The following BRINP3 variants were observed in gnomAD, a reference collection of about 807,000 sequenced individuals.
BRINP3 encodes BMP/retinoic acid-inducible neural-specific protein 3.
Under a neutral mutation model 71.0 loss-of-function variants are expected in BRINP3, and 19 were observed. The ratio of observed to expected loss-of-function variants is 0.27; its 90% CI spans 0.19 to 0.39. The LOEUF is 0.39. Among genes scored for constraint, BRINP3 ranks in the 10% least tolerant of loss-of-function variants. The probability of loss-of-function intolerance (pLI) is 1.00; values close to 1 mark genes in which losing one functional copy is unlikely to be tolerated. For synonymous variants in BRINP3, 380 were observed against 337.7 expected, an observed-to-expected ratio of 1.13 and a Z score of -1.37; for missense variants, 959 against 940.8, an observed-to-expected ratio of 1.02 and a Z score of -0.25.
intron 4 of BRINP3, among the ~76,000 whole-genome samples, chr1:190,262,515 C>T (rs555876705): frequency 1.3e-5 from 2 of 152,250 alleles, no homozygotes; most frequent in East Asian, 3.9e-4. Context: ...GATATAGACC[C>T]TGTATCATTC....
chr1:190,243,536 C>T (rs1372283951), intron 4 of BRINP3, among the ~76,000 whole-genome samples: 1 of 152,008 alleles, frequency 6.6e-6, no homozygotes, highest in Non-Finnish European at 1.5e-5. Context: ...TACAGGAAAT[C>T]TAAAGGGATA....
rs1202350334 is a variant in BRINP3 at position 190,264,902 on chromosome 1, C to T, written c.581G>A (p.Arg194Lys). 1 of 1,613,620 alleles carries T rather than the reference C, an allele frequency of 6.2e-7. No homozygotes were observed. ...GGATGCAATTTGAATGTGGTGAAGT[C>T]TCCGAAGGGTGCTGTCCCTGTCAAT... is the stretch of plus-strand genomic sequence containing the variant. ...YFIDRDSTLRRLHHIQIASTA... is the reference protein window; with the variant it reads ...YFIDRDSTLRKLHHIQIASTA... Residue 194 changes from arginine to lysine, a missense_variant, in exon 4 of 8, where the codon AGA becomes AAA. Transcript: ENST00000367462.
At chr1:190,270,119 A>T (rs1419129716) in intron 3 of BRINP3, among the ~76,000 whole-genome samples, 1 of 151,948 alleles carries the variant, frequency 6.6e-6, no homozygotes, top group Non-Finnish European at 1.5e-5. Flanking sequence ...GGGTAGATAC[A>T]AGTATAAAGA....
At chr1:190,201,011 C>G (rs1254886037) in intron 6 of BRINP3, among the ~76,000 whole-genome samples, 1 of 151,816 alleles carries the variant, frequency 6.6e-6, no homozygotes, top group African/African-American at 2.4e-5. Flanking sequence ...AAAAGATACC[C>G]AAAAATGGGG....
chr1:190,241,821 C>T (rs1320379959), intron 4 of BRINP3, among the ~76,000 whole-genome samples: 1 of 151,528 alleles, frequency 6.6e-6, no homozygotes, highest in Non-Finnish European at 1.5e-5. Context: ...TTACATATTG[C>T]TAAATCTATT....
intron 2 of BRINP3, among the ~76,000 whole-genome samples, chr1:190,449,381 A>C (rs570997111): frequency 6.6e-6 from 1 of 152,002 alleles, no homozygotes; most frequent in East Asian, 1.9e-4. Flanking sequence ...GTATGTGTAT[A>C]TCAGGGAAAG....
intron 2 of BRINP3, among the ~76,000 whole-genome samples, chr1:190,335,121 G>T (rs1667206352): frequency 6.6e-6 from 1 of 151,822 alleles, no homozygotes; most frequent in Non-Finnish European, 1.5e-5. Flanking sequence ...AAAGCAGGGA[G>T]AATTCTTTTA....
chr1:190,372,606 A>C (rs1043990311), intron 2 of BRINP3, among the ~76,000 whole-genome samples: 67 of 152,172 alleles, frequency 4.4e-4, no homozygotes, highest in Middle Eastern at 3.2e-3. Context: ...AGCAATTGTT[A>C]TTTAGTGGCT....
chr1:190,185,152 A>G (rs1653400924), intron 6 of BRINP3, among the ~76,000 whole-genome samples: 1 of 152,156 alleles, frequency 6.6e-6, no homozygotes, highest in Non-Finnish European at 1.5e-5. Flanking sequence ...GGAAATAATC[A>G]ACAGACTGAA....
At chr1:190,209,067 T>C (rs1034211204) in intron 6 of BRINP3, among the ~76,000 whole-genome samples, 18 of 152,154 alleles carry the variant, frequency 1.2e-4, no homozygotes, top group South Asian at 2.1e-4. Context: ...ATATTTACTA[T>C]GATTTTTTTG....
intron 1 of BRINP3, among the ~76,000 whole-genome samples, chr1:190,460,202 C>T (rs12068330): frequency 0.013 from 1,951 of 151,052 alleles, 43 homozygotes; most frequent in African/African-American, 0.039. Flanking sequence ...TCAAATAATA[C>T]GATACATATT....
intron 2 of BRINP3, among the ~76,000 whole-genome samples, chr1:190,287,348 T>C (rs2102954568): frequency 6.6e-6 from 1 of 152,304 alleles, no homozygotes; most frequent in South Asian, 2.1e-4. Context: ...CCACTGAAGC[T>C]AGTGTTTATA....
At chr1:190,412,014 C>T (rs577077155) in intron 2 of BRINP3, among the ~76,000 whole-genome samples, 1 of 152,244 alleles carries the variant, frequency 6.6e-6, no homozygotes, top group Admixed American at 6.5e-5. Flanking sequence ...CAGGCCACTA[C>T]TTACTGTAAC....
intron 2 of BRINP3, among the ~76,000 whole-genome samples, chr1:190,453,940 A>T (rs565074183): frequency 6.6e-6 from 1 of 152,348 alleles, no homozygotes; most frequent in Non-Finnish European, 1.5e-5. Context: ...TCTTCATGGC[A>T]TAGATCAATA....
At chr1:190,145,048 T>C (rs1450480959) in intron 7 of BRINP3, among the ~76,000 whole-genome samples, 1 of 152,158 alleles carries the variant, frequency 6.6e-6, no homozygotes, top group Non-Finnish European at 1.5e-5. Flanking sequence ...GGCTTATTTT[T>C]TCCATAATAC....
intron 7 of BRINP3, among the ~76,000 whole-genome samples, chr1:190,125,519 G>C (rs1222726655): frequency 1.3e-5 from 2 of 151,930 alleles, no homozygotes. Context: ...GAAATAAGCA[G>C]TGAGATTGAG....
intron 2 of BRINP3, among the ~76,000 whole-genome samples, chr1:190,347,810 G>T (rs1668122929): frequency 6.6e-6 from 1 of 151,884 alleles, no homozygotes; most frequent in African/African-American, 2.4e-5. Context: ...TTTCTTTTCT[G>T]TTACTTAGAA....
chr1:190,367,259 C>A (rs959433858), intron 2 of BRINP3, among the ~76,000 whole-genome samples: 2 of 152,152 alleles, frequency 1.3e-5, no homozygotes, highest in African/African-American at 4.8e-5. Context: ...TTCTGTGGAC[C>A]CACAGGCCCA....
intron 6 of BRINP3, among the ~76,000 whole-genome samples, chr1:190,179,013 C>A (rs144429285): frequency 7.2e-5 from 11 of 152,268 alleles, no homozygotes; most frequent in African/African-American, 2.6e-4. Context: ...TTTCTCCTTT[C>A]TTTTATTACA....
Sources: gnomAD v4.1 joint callset for allele counts (sites outside exome capture counted in the v4.1 genomes callset) on GRCh38, gnomAD v4.1.1 for gene constraint, MANE v1.5 for transcripts, NCBI Gene and HGNC (gene_info 2026-07-23, HGNC 2026-07-21) for gene names.